MAP2K5: variants seen among roughly 807,000 people sequenced by gnomAD.
MAP2K5 encodes the protein dual specificity mitogen-activated protein kinase kinase 5.
MAP2K5 carries 49 observed loss-of-function variants against 83.1 expected under a neutral mutation model. The observed-to-expected ratio is 0.59, with a 90% CI of 0.47 to 0.75. The LOEUF (loss-of-function observed/expected upper bound fraction) is 0.75, where lower values mean the gene tolerates loss of function less well. Among genes scored for constraint, MAP2K5 ranks in the 30% least tolerant of loss-of-function variants. The probability of loss-of-function intolerance (pLI) is 0.00; values close to 1 mark genes in which losing one functional copy is unlikely to be tolerated. For synonymous variants in MAP2K5, 202 were observed against 191.8 expected, an observed-to-expected ratio of 1.05 and a Z score of -0.44; for missense variants, 457 against 557.5, an observed-to-expected ratio of 0.82 and a Z score of 1.82.
At chr15:67,648,585 T>G (rs953318065) in intron 11 of MAP2K5, among the ~76,000 whole-genome samples, 3 of 152,152 alleles carry the variant, frequency 2.0e-5, no homozygotes, top group Admixed American at 1.3e-4. Flanking sequence ...TTCTTTTTTT[T>G]TTTTTGAAAC....
At chr15:67,548,985 T>C (rs2084452329) in intron 1 of MAP2K5, 1 of 1,405,540 alleles carries the variant, frequency 7.1e-7, no homozygotes. Flanking sequence ...TTCTAAAGAA[T>C]TGCCTTTAGA....
At position 67,774,538 on chromosome 15, in the gene MAP2K5, G is replaced by A. The variant is rs1196488850; in HGVS notation, c.1242+1786G>A. 6.6e-6 allele frequency among the ~76,000 whole-genome samples: 1 copy of A among 152,098 alleles called. No homozygotes were observed. Among genetic ancestry groups the A allele is most frequent in the African/African-American group, 2.4e-5 (1 of 41,408 alleles). On this transcript the variant is annotated intron_variant, in intron 21 of 21. Coordinates refer to ENST00000178640, the MANE Select transcript of MAP2K5 (RefSeq NM_145160.3). This position sits in a 1 kb window ranked among gnomAD's most constrained non-coding sequence, Gnocchi z 4.9. ...TTGGGCAAAAGATTGGGCCCAATAG[G>A]GGATGGGAAAGAAAGTGGGTTTTCC...
At position 67,717,569 on chromosome 15, in the gene MAP2K5, ACC is replaced by A. The variant is rs1347293687; in HGVS notation, c.1045-10345_1045-10344del. On this transcript the variant is annotated intron_variant, in intron 16 of 21. Transcript: ENST00000178640. The surrounding 1 kb of genome is among the most constrained non-coding windows in gnomAD (Gnocchi z 4.1). ...GTTATTGATTACTGCTTAATAACCTACCCAAAATTAGTGGCTTAAAATAACCA... is the reference window on the plus strand; with the variant it reads ...GTTATTGATTACTGCTTAATAACCTACAAAATTAGTGGCTTAAAATAACCA... 6.6e-6 allele frequency among the ~76,000 whole-genome samples: 1 copy of A among 152,206 alleles called. No homozygotes were observed.
intron 3 of MAP2K5, among the ~76,000 whole-genome samples, chr15:67,574,886 A>G (rs1407130127): frequency 1.3e-5 from 2 of 152,222 alleles, no homozygotes; most frequent in African/African-American, 4.8e-5. Flanking sequence ...TAATAAAAAT[A>G]AAACAAAATA....
chr15:67,615,299 G>A (rs191330181), intron 8 of MAP2K5, among the ~76,000 whole-genome samples: 397 of 152,244 alleles, frequency 2.6e-3, no homozygotes, highest in Non-Finnish European at 3.8e-3. Flanking sequence ...TGCCCGGCCT[G>A]TTTCTTAACC....
At chr15:67,590,514 C>T (rs144483371) in intron 6 of MAP2K5, among the ~76,000 whole-genome samples, 1 of 125,452 alleles carries the variant, frequency 8.0e-6, no homozygotes, top group Non-Finnish European at 1.6e-5. Flanking sequence ...TGCTGTCACC[C>T]CCCCATTCTG....
intron 16 of MAP2K5, among the ~76,000 whole-genome samples, chr15:67,712,896 G>A (rs186511391): frequency 2.7e-5 from 4 of 150,582 alleles, no homozygotes; most frequent in East Asian, 2.0e-4. Context: ...CCGCCTGGGC[G>A]ACAGAGCAGG....
chr15:67,606,680 C>T (rs1040862960), intron 8 of MAP2K5, among the ~76,000 whole-genome samples: 2 of 151,930 alleles, frequency 1.3e-5, no homozygotes, highest in Non-Finnish European at 2.9e-5. Flanking sequence ...CTGTAGAGGC[C>T]AACTAAAACA....
chr15:67,727,788 G>T, intron 16 of MAP2K5, 128 bp from the exon 17 acceptor site: 1 of 765,772 alleles, frequency 1.3e-6, no homozygotes, highest in East Asian at 2.4e-5. Context: ...AATTTAGTTT[G>T]TACATTCAAG....
intron 16 of MAP2K5, among the ~76,000 whole-genome samples, chr15:67,726,928 A>C (rs1019859213): frequency 3.3e-5 from 5 of 152,172 alleles, no homozygotes; most frequent in Non-Finnish European, 7.3e-5. Context: ...GCCAGGTTCA[A>C]TGGCTTAGCC....
At chr15:67,670,476 T>C (rs1004017646) in intron 13 of MAP2K5, 4 of 454,856 alleles carry the variant, frequency 8.8e-6, no homozygotes, top group South Asian at 3.1e-5. Flanking sequence ...GTATAAATTA[T>C]GCCTCAGTAA....
rs192564239 is a variant in MAP2K5, at chr15:67,676,152, C to T, written c.847+11507C>T. ...GTGGATGAGTGTTTGATTCACCAAGCCCCGCAGTTAGCTCTGATCATTGCT... is the reference window on the plus strand; with the variant it reads ...GTGGATGAGTGTTTGATTCACCAAGTCCCGCAGTTAGCTCTGATCATTGCT... On this transcript the variant is annotated intron_variant, in intron 13 of 21. Coordinates refer to ENST00000178640, the MANE Select transcript of MAP2K5 (RefSeq NM_145160.3). This position sits in a 1 kb window ranked among gnomAD's most constrained non-coding sequence, Gnocchi z 4.8. Among the ~76,000 whole-genome samples, 110 of 152,206 alleles carry T rather than the reference C, an allele frequency of 7.2e-4. 1 individual carries two copies. Among genetic ancestry groups the T allele is most frequent in the Middle Eastern group, 3.4e-3 (1 of 294 alleles).
At position 67,779,205 on chromosome 15, in the gene MAP2K5, C is replaced by G. The variant is rs1033604862; in HGVS notation, c.1242+6453C>G. ...CCCCACGTAGGGTCCAGCTGACAACCATGGAATTTTTTTTTAAGTTCTGAA... is the reference window on the plus strand; with the variant it reads ...CCCCACGTAGGGTCCAGCTGACAACGATGGAATTTTTTTTTAAGTTCTGAA... On this transcript the variant is annotated intron_variant, in intron 21 of 21. Coordinates refer to ENST00000178640, the MANE Select transcript of MAP2K5 (RefSeq NM_145160.3). The surrounding 1 kb of genome is among the most constrained non-coding windows in gnomAD (Gnocchi z 4.6). Among the ~76,000 whole-genome samples, 2 of 152,168 alleles carry G rather than the reference C, an allele frequency of 1.3e-5. No homozygotes were observed. Among genetic ancestry groups the G allele is most frequent in the Non-Finnish European group, 2.9e-5 (2 of 68,032 alleles).
chr15:67,641,718 C>T, intron 9 of MAP2K5: 2 of 665,196 alleles, frequency 3.0e-6, no homozygotes, highest in Non-Finnish European at 3.7e-6. Flanking sequence ...AAATTCTTTC[C>T]AGTTTGAAAC....
chr15:67,651,778 G>T (rs1016766631), intron 11 of MAP2K5, among the ~76,000 whole-genome samples: 1 of 152,084 alleles, frequency 6.6e-6, no homozygotes, highest in African/African-American at 2.4e-5. Context: ...CACTCAGATT[G>T]ATTTCATATC....
intron 17 of MAP2K5, among the ~76,000 whole-genome samples, chr15:67,731,360 A>T (rs562786852): frequency 6.6e-6 from 1 of 152,250 alleles, no homozygotes; most frequent in African/African-American, 2.4e-5. Flanking sequence ...GAGCAACATA[A>T]AGGTTAAAGG....
chr15:67,627,017 G>T (rs1263530977), intron 8 of MAP2K5, among the ~76,000 whole-genome samples: 3 of 78,292 alleles, frequency 3.8e-5, no homozygotes, highest in African/African-American at 9.9e-5. Context: ...ACTGCAGCCT[G>T]ACCTCCTGGA....
rs945708465 is a variant in MAP2K5, at chr15:67,652,542, A to G, written c.737-6011A>G. Among the ~76,000 whole-genome samples, 2 of 152,166 alleles carry G rather than the reference A, an allele frequency of 1.3e-5. No homozygotes were observed. Among genetic ancestry groups the G allele is most frequent in the Non-Finnish European group, 2.9e-5 (2 of 68,038 alleles). On this transcript the variant is annotated intron_variant, in intron 11 of 21. Transcript: ENST00000178640. This position sits in a 1 kb window ranked among gnomAD's most constrained non-coding sequence, Gnocchi z 4.2. ...ACTTAATTTTGTGAGAATGACACCA[A>G]GTCTTTCATGAGGGATCCACTCCTT...
In MAP2K5 at chr15:67,738,230, C is replaced by T. The variant is rs2089388672; in HGVS notation, c.1075-10001C>T. On this transcript the variant is annotated intron_variant, in intron 17 of 21. Coordinates refer to ENST00000178640, the MANE Select transcript of MAP2K5 (RefSeq NM_145160.3). This position sits in a 1 kb window ranked among gnomAD's most constrained non-coding sequence, Gnocchi z 4.1. ...AGACCAAAGGGGTAATGAAGCTTGTCTTGTTTTGTTTTCTGTTCAGAAACA... is the reference window on the plus strand; with the variant it reads ...AGACCAAAGGGGTAATGAAGCTTGTTTTGTTTTGTTTTCTGTTCAGAAACA... Among the ~76,000 whole-genome samples the T allele has an allele frequency of 6.6e-6, 1 of 152,138 alleles. No individual in the cohort carries two copies. Among genetic ancestry groups the T allele is most frequent in the Non-Finnish European group, 1.5e-5 (1 of 68,018 alleles).
Sources: gnomAD v4.1 joint callset for allele counts (sites outside exome capture counted in the v4.1 genomes callset) on GRCh38, gnomAD v4.1.1 for gene constraint, Gnocchi (gnomAD v3.1) non-coding constraint, MANE v1.5 for transcripts, NCBI Gene and HGNC (gene_info 2026-07-23, HGNC 2026-07-21) for gene names.